CFTR: variants seen among roughly 807,000 people sequenced by gnomAD.
CFTR encodes cystic fibrosis transmembrane conductance regulator.
In CFTR, 181 loss-of-function variants were observed where a neutral mutation model predicts 171.6. The ratio of observed to expected loss-of-function variants is 1.05; its 90% CI spans 0.93 to 1.19. CFTR has a LOEUF of 1.19. CFTR is among the 50% of genes most tolerant of loss of function. The probability of loss-of-function intolerance (pLI) is 0.00; values close to 1 mark genes in which losing one functional copy is unlikely to be tolerated. For missense variants in CFTR, 1,968 were observed against 1,734.7 expected (o/e 1.13, Z -2.39); for synonymous variants, 583 against 608.0 (o/e 0.96, Z 0.60).
chr7:117,639,816 T>C (rs1744643166), intron 22 of CFTR, among the ~76,000 whole-genome samples: 2 of 152,140 alleles, frequency 1.3e-5, no homozygotes, highest in African/African-American at 4.8e-5. Flanking sequence ...TAATAATTAA[T>C]AGAGATATAT....
chr7:117,553,341 T>C (rs1004367362), intron 10 of CFTR, among the ~76,000 whole-genome samples: 4 of 152,192 alleles, frequency 2.6e-5, no homozygotes, highest in Non-Finnish European at 5.9e-5. Flanking sequence ...TTGGGTTGTT[T>C]CCAATATTTT....
rs1792931608 is a variant in CFTR at position 117,642,461 on chromosome 7, A to G, written c.3741A>G (p.Gly1247=). The G allele has an allele frequency of 6.2e-7, 1 of 1,613,682 alleles. No homozygotes were observed. Among genetic ancestry groups the G allele is most frequent in the South Asian group, 1.1e-5 (1 of 91,078 alleles). ...AGGTGGGCCTCTTGGGAAGAACTGG[A>G]TCAGGGAAGAGTACTTTGTTATCAG... ...GQRVGLLGRT[G]SGKSTLLSAF... is the part of the protein sequence containing the mutation. Residue 1247 remains glycine, a synonymous_variant, in exon 23 of 27, where the codon GGA becomes GGG. Transcript: ENST00000003084.
At chr7:117,597,764 C>G (rs1792156466) in intron 15 of CFTR, among the ~76,000 whole-genome samples, 1 of 151,762 alleles carries the variant, frequency 6.6e-6, no homozygotes, top group Non-Finnish European at 1.5e-5. Flanking sequence ...TTCAATGTCC[C>G]CATTGTGGTT....
chr7:117,529,738 T>C (rs1023855909), intron 3 of CFTR, among the ~76,000 whole-genome samples: 1 of 152,094 alleles, frequency 6.6e-6, no homozygotes, highest in Non-Finnish European at 1.5e-5. Flanking sequence ...TATTGGATAC[T>C]TGAGGTTTAG....
In CFTR at chr7:117,559,403, A is replaced by G. The variant is rs34855237; in HGVS notation, c.1393-61A>G. On this transcript the variant is annotated intron_variant, in intron 10 of 26. Transcript: ENST00000003084. ...CACTTCTGCTTAGGATGATAATTGGAGGCAAGTGAATCCTGAGCGTGATTT... is the reference window on the plus strand; with the variant it reads ...CACTTCTGCTTAGGATGATAATTGGGGGCAAGTGAATCCTGAGCGTGATTT... 237,411 of 1,020,820 alleles carry G rather than the reference A, an allele frequency of 0.23. 31,168 individuals are homozygous for G. Among genetic ancestry groups the G allele is most frequent in the East Asian group, 0.4 (17,000 of 42,114 alleles). The allele number at this position is 1,020,820 out of a possible 1,614,324, so 63.2% of individuals were successfully genotyped here. A position where few individuals can be genotyped will look rare whatever the true frequency, so the allele number is the denominator to read the frequency against.
In CFTR at chr7:117,597,523, C is replaced by T. The variant is rs144787538; in HGVS notation, c.2619+2465C>T. Among the ~76,000 whole-genome samples, 52 of 152,248 alleles carry T rather than the reference C, an allele frequency of 3.4e-4. No individual in the cohort carries two copies. The East Asian group carries it at 7.5e-3, about 22-fold the overall frequency. ...GCTAAAGAAAAGAAAAAAGTCCATG[C>T]GTAATCTTTGTGATATGTGCCACCA... On this transcript the variant is annotated intron_variant, in intron 15 of 26. Transcript: ENST00000003084.
intron 2 of CFTR, among the ~76,000 whole-genome samples, chr7:117,507,229 T>C (rs1332652390): frequency 6.6e-6 from 1 of 152,198 alleles, no homozygotes; most frequent in African/African-American, 2.4e-5. Context: ...GTTTCACCCA[T>C]TAAAGAAATT....
At chr7:117,540,657 A>G (rs1799038194) in intron 8 of CFTR, among the ~76,000 whole-genome samples, 1 of 152,224 alleles carries the variant, frequency 6.6e-6, no homozygotes, top group African/African-American at 2.4e-5. Flanking sequence ...ATACAAAGCT[A>G]ATTGGATAAA....
chr7:117,535,500 G>T, intron 6 of CFTR, 89 bp downstream of exon 6: 11 of 962,062 alleles, frequency 1.1e-5, no homozygotes, highest in African/African-American at 1.7e-5. Context: ...TCTATGCATA[G>T]AACAGTGATC....
rs1792389293 is a variant in CFTR at position 117,611,660 on chromosome 7, C to T, written c.3219C>T (p.Tyr1073=). Residue 1073 remains tyrosine (Y), a synonymous_variant, in exon 20 of 27, where the codon TAC becomes TAT. Coordinates refer to ENST00000003084, the MANE Select transcript of CFTR (RefSeq NM_000492.4). ...TTCGTGCCTTCGGACGGCAGCCTTACTTTGAAACTCTGTTCCACAAAGCTC... is the reference window on the plus strand; with the variant it reads ...TTCGTGCCTTCGGACGGCAGCCTTATTTTGAAACTCTGTTCCACAAAGCTC... ...WTLRAFGRQP[Y]FETLFHKALN... is the part of the protein sequence containing the mutation. 1 of 1,613,608 alleles carries T rather than the reference C, an allele frequency of 6.2e-7. No homozygotes were observed. Among genetic ancestry groups the T allele is most frequent in the Non-Finnish European group, 8.5e-7 (1 of 1,179,762 alleles).
At chr7:117,539,769 T>G (rs1468228950) in intron 7 of CFTR, among the ~76,000 whole-genome samples, 1 of 151,840 alleles carries the variant, frequency 6.6e-6, no homozygotes, top group Non-Finnish European at 1.5e-5. Context: ...AAGTTAATAA[T>G]GAAGTAAAGG....
intron 1 of CFTR, among the ~76,000 whole-genome samples, chr7:117,499,516 G>C (rs565259233): frequency 1.4e-5 from 2 of 144,554 alleles, no homozygotes; most frequent in East Asian, 4.0e-4. Context: ...ATCTCTTATA[G>C]TTAAGTGAAC....
chr7:117,614,256 G>T (rs928110663), intron 20 of CFTR, among the ~76,000 whole-genome samples: 4 of 151,822 alleles, frequency 2.6e-5, no homozygotes, highest in African/African-American at 9.7e-5. Flanking sequence ...TTTCCCCATT[G>T]CCCATTCTAA....
chr7:117,514,924 T>G lies in CFTR; in HGVS notation c.273+5782T>G, dbSNP rs34977231. On this transcript the variant is annotated intron_variant, in intron 3 of 26. Transcript: ENST00000003084. ...CTGATGATCAGTGATGCTGAGATTT[T>G]TAAAATATGTTTGTTGGCCATGTAA... 3.7e-3 allele frequency among the ~76,000 whole-genome samples: 563 copies of G among 152,378 alleles called. 4 individuals are homozygous for G. The highest frequency in any genetic ancestry group is 9.7e-3 in the African/African-American group (404 of 41,594).
chr7:117,536,760 A>G, intron 7 of CFTR, 87 bp downstream of exon 7: 1 of 1,105,722 alleles, frequency 9.0e-7, no homozygotes. Flanking sequence ...CTTCCACCTC[A>G]TATTTGATGT....
intron 24 of CFTR, among the ~76,000 whole-genome samples, chr7:117,658,717 C>T (rs1164553466): frequency 1.3e-5 from 2 of 152,112 alleles, no homozygotes; most frequent in African/African-American, 4.8e-5. Flanking sequence ...TCCACGGGTA[C>T]CCACATGTCA....
chr7:117,596,939 T>C (rs2116045228), intron 15 of CFTR, among the ~76,000 whole-genome samples: 1 of 152,196 alleles, frequency 6.6e-6, no homozygotes, highest in South Asian at 2.1e-4. Context: ...AGCTCAGGGA[T>C]TGTAAACGCA....
At chr7:117,598,022 T>C (rs1037265761) in intron 15 of CFTR, among the ~76,000 whole-genome samples, 8 of 152,154 alleles carry the variant, frequency 5.3e-5, no homozygotes, top group Non-Finnish European at 8.8e-5. Context: ...GTTCTTCAGT[T>C]ATCTATAGAA....
chr7:117,617,668 C>T (rs558316531), intron 21 of CFTR, among the ~76,000 whole-genome samples: 95 of 152,184 alleles, frequency 6.2e-4, no homozygotes, highest in South Asian at 2.1e-3. Flanking sequence ...CACCTCTCCT[C>T]ATGCACCACC....
Sources: gnomAD v4.1 joint callset for allele counts (sites outside exome capture counted in the v4.1 genomes callset) on GRCh38, gnomAD v4.1.1 for gene constraint, MANE v1.5 for transcripts, NCBI Gene and HGNC (gene_info 2026-07-23, HGNC 2026-07-21) for gene names.